Variants in SLIT2 observed in about 807,000 individuals in gnomAD.
SLIT2 encodes slit guidance ligand 2.
SLIT2 carries 41 observed loss-of-function variants against 185.7 expected under a neutral mutation model. The ratio of observed to expected loss-of-function variants is 0.22; its 90% CI spans 0.17 to 0.29. The LOEUF (loss-of-function observed/expected upper bound fraction) is 0.29. Ranked by LOEUF, SLIT2 falls within the 10% of genes least tolerant of loss-of-function variation. SLIT2 has a pLI of 1.00. For synonymous variants in SLIT2, 693 were observed against 680.2 expected (o/e 1.02, Z -0.29); for missense variants, 1,571 against 1,909.0 (o/e 0.82, Z 3.30).
intron 9 of SLIT2, among the ~76,000 whole-genome samples, chr4:20,504,900 TTTA>T (rs1329731057): frequency 1.3e-5 from 2 of 151,904 alleles, no homozygotes; most frequent in African/African-American, 4.8e-5. Context: ...ATTGTTGTAT[TTTA>T]TTATTATTGT....
intron 4 of SLIT2, among the ~76,000 whole-genome samples, chr4:20,307,279 C>CTTCCT (rs1341920903): frequency 6.9e-6 from 1 of 145,274 alleles, no homozygotes; most frequent in African/African-American, 2.6e-5. Flanking sequence ...TCCTTCCTTC[C>CTTCCT]TTAAACTAAG....
intron 4 of SLIT2, among the ~76,000 whole-genome samples, chr4:20,345,113 T>G (rs776427018): frequency 1.6e-4 from 24 of 152,224 alleles, no homozygotes; most frequent in Non-Finnish European, 3.5e-4. Flanking sequence ...TATCTATGTT[T>G]TAAATCAAAT....
intron 36 of SLIT2, among the ~76,000 whole-genome samples, 175 bp from the exon 37 acceptor site, chr4:20,618,593 A>T (rs952466280): frequency 1.3e-5 from 2 of 152,222 alleles, no homozygotes; most frequent in African/African-American, 4.8e-5. Context: ...CTGAAAATAG[A>T]GACTAAAAAG....
At chr4:20,472,319 T>TAG (rs1715259566) in intron 5 of SLIT2, among the ~76,000 whole-genome samples, 5 of 93,218 alleles carry the variant, frequency 5.4e-5, no homozygotes, top group African/African-American at 2.3e-4. Context: ...TATATAGATA[T>TAG]ATATATCTAT....
At chr4:20,456,976 A>G (rs1577692035) in intron 4 of SLIT2, among the ~76,000 whole-genome samples, 1 of 152,080 alleles carries the variant, frequency 6.6e-6, no homozygotes, top group African/African-American at 2.4e-5. Flanking sequence ...TCTCTACCCT[A>G]TCTTAGGGAA....
chr4:20,596,689 AT>A, intron 32 of SLIT2, 34 bp downstream of exon 32: 2 of 1,589,552 alleles, frequency 1.3e-6, no homozygotes, highest in South Asian at 2.3e-5. Context: ...AGATGATCGG[AT>A]CTTAAAATTC....
At chr4:20,442,685 A>T (rs2148702917) in intron 4 of SLIT2, among the ~76,000 whole-genome samples, 1 of 152,234 alleles carries the variant, frequency 6.6e-6, no homozygotes, top group Admixed American at 6.5e-5. Flanking sequence ...ATGGAGGATG[A>T]GTTGGAGAGG....
chr4:20,530,078 A>G (rs1476468341), intron 16 of SLIT2, among the ~76,000 whole-genome samples: 2 of 147,474 alleles, frequency 1.4e-5, no homozygotes, highest in South Asian at 2.2e-4. Context: ...ACAGAAACCC[A>G]CTATCTTGTA....
intron 9 of SLIT2, among the ~76,000 whole-genome samples, chr4:20,499,467 A>G (rs1343808917): frequency 6.6e-6 from 1 of 152,090 alleles, no homozygotes; most frequent in Non-Finnish European, 1.5e-5. Context: ...CACATATTTC[A>G]AAGTCATCTG....
intron 4 of SLIT2, among the ~76,000 whole-genome samples, chr4:20,464,539 C>G (rs1400579268): frequency 2.0e-5 from 3 of 152,200 alleles, no homozygotes; most frequent in East Asian, 1.9e-4. Context: ...CTCAGTAGTT[C>G]TGACTCATTT....
At chr4:20,442,730 T>C (rs1729867636) in intron 4 of SLIT2, among the ~76,000 whole-genome samples, 1 of 152,002 alleles carries the variant, frequency 6.6e-6, no homozygotes, top group South Asian at 2.1e-4. Context: ...TGTTCGGTGA[T>C]GAGATTTACC....
intron 5 of SLIT2, among the ~76,000 whole-genome samples, chr4:20,470,029 A>G (rs1260307198): frequency 6.6e-6 from 1 of 152,048 alleles, no homozygotes; most frequent in Admixed American, 6.6e-5. Context: ...TGCTGAGATT[A>G]CAGGTGTGAG....
At chr4:20,551,998 A>G (rs572404212) in intron 25 of SLIT2, among the ~76,000 whole-genome samples, 2 of 152,228 alleles carry the variant, frequency 1.3e-5, no homozygotes, top group African/African-American at 4.8e-5. Flanking sequence ...ACTGGTGCCT[A>G]TTAATATTCC....
At chr4:20,388,810 A>G (rs921051774) in intron 4 of SLIT2, among the ~76,000 whole-genome samples, 2 of 145,112 alleles carry the variant, frequency 1.4e-5, no homozygotes, top group Non-Finnish European at 3.0e-5. Flanking sequence ...TATATATAAC[A>G]TATGTAAAAT....
chr4:20,397,580 A>G (rs1167818820), intron 4 of SLIT2, among the ~76,000 whole-genome samples: 2 of 151,848 alleles, frequency 1.3e-5, no homozygotes, highest in Admixed American at 6.6e-5. Flanking sequence ...CAAGGCAGTT[A>G]TAAATTGTCA....
intron 4 of SLIT2, among the ~76,000 whole-genome samples, chr4:20,462,828 A>G (rs61789431): frequency 4.6e-5 from 7 of 152,186 alleles, no homozygotes; most frequent in Non-Finnish European, 8.8e-5. Flanking sequence ...CACACAGGTC[A>G]TAGAACAGTA....
chr4:20,299,667 T>C (rs774323512), intron 4 of SLIT2, among the ~76,000 whole-genome samples: 7 of 147,968 alleles, frequency 4.7e-5, no homozygotes, highest in South Asian at 2.2e-4. Flanking sequence ...TTTTTTTTTT[T>C]AGTTTTGTGA....
chr4:20,481,924 A>G lies in SLIT2; in HGVS notation c.539+1137A>G, dbSNP rs79019259. On this transcript the variant is annotated intron_variant, in intron 6 of 36. Coordinates refer to ENST00000504154, the MANE Select transcript of SLIT2 (RefSeq NM_004787.4). ...AATATAAAAATATAGACTACTCTCT[A>G]ACAACAGGAGAGGCCACCTTTGTTT... is the stretch of plus-strand genomic sequence containing the variant. 4.2e-3 allele frequency among the ~76,000 whole-genome samples: 637 copies of G among 152,198 alleles called. 3 individuals are homozygous for G. Among genetic ancestry groups the G allele is most frequent in the Middle Eastern group, 0.01 (3 of 294 alleles).
At chr4:20,358,385 G>A (rs1328255845) in intron 4 of SLIT2, among the ~76,000 whole-genome samples, 1 of 152,024 alleles carries the variant, frequency 6.6e-6, no homozygotes, top group Non-Finnish European at 1.5e-5. Context: ...ATTAATTGTG[G>A]GCCAAAAGTT....
Sources: allele counts gnomAD v4.1 joint callset (sites outside exome capture counted in the v4.1 genomes callset), GRCh38; gene constraint gnomAD v4.1.1; transcripts MANE v1.5; gene names NCBI Gene and HGNC (gene_info 2026-07-23, HGNC 2026-07-21).